EBF1: variants seen among roughly 807,000 people sequenced by gnomAD.
EBF1 encodes EBF transcription factor 1, also known as transcription factor COE1.
Under a neutral mutation model 68.4 loss-of-function variants are expected in EBF1, and 10 were observed. The ratio of observed to expected loss-of-function variants is 0.15; its 90% CI spans 0.09 to 0.25. EBF1 has a LOEUF of 0.25. Ranked by LOEUF, EBF1 falls within the 10% of genes least tolerant of loss-of-function variation. EBF1 has a pLI of 1.00. For synonymous variants in EBF1, 298 were observed against 299.8 expected, an observed-to-expected ratio of 0.99 and a Z score of 0.06; for missense variants, 509 against 794.4, an observed-to-expected ratio of 0.64 and a Z score of 4.32.
In EBF1 at chr5:159,052,008, G is replaced by C. The variant is rs561183151; in HGVS notation, c.554+21388C>G. On this transcript the variant is annotated intron_variant, in intron 6 of 15. Coordinates refer to ENST00000313708, the MANE Select transcript of EBF1 (RefSeq NM_024007.5). ...ATACGCACAGGCTCATAAGACACAC[G>C]CAAAAAAATTATTATTATTATGGGC... is the stretch of plus-strand genomic sequence containing the variant. 3.8e-3 allele frequency among the ~76,000 whole-genome samples: 129 copies of C among 34,122 alleles called. 2 individuals are homozygous for C. The African/African-American group carries it at 0.044, about 12-fold the overall frequency. The allele number at this position is 34,122 out of a possible 152,430, so 22.4% of individuals were successfully genotyped here.
chr5:158,827,866 A>G (rs967190460), intron 7 of EBF1, among the ~76,000 whole-genome samples: 8 of 152,202 alleles, frequency 5.3e-5, no homozygotes, highest in African/African-American at 1.9e-4. Context: ...ATTAGACCAT[A>G]AATATATTTT....
At chr5:158,715,713 G>A (rs1467602728) in intron 11 of EBF1, among the ~76,000 whole-genome samples, 1 of 151,982 alleles carries the variant, frequency 6.6e-6, no homozygotes, top group Non-Finnish European at 1.5e-5. Flanking sequence ...ACCACTTTTT[G>A]TTTGCTGTAG....
rs535225896 is a variant in EBF1 at position 158,776,104 on chromosome 5, G to A, written c.1036+1309C>T. ...GCTGAGCTAATTTCTTGAACTCAGT[G>A]TGAAACCTTAGCTAAACAAAATTGT... On this transcript the variant is annotated intron_variant, in intron 10 of 15. Coordinates refer to ENST00000313708, the MANE Select transcript of EBF1 (RefSeq NM_024007.5). Among the ~76,000 whole-genome samples, 4 of 152,222 alleles carry A rather than the reference G, an allele frequency of 2.6e-5. No individual in the cohort carries two copies. In the East Asian group the frequency reaches 5.8e-4, roughly 22 times the overall value.
At chr5:158,969,880 GAAAGAAAGAAAGAAA>G (rs1755092689) in intron 6 of EBF1, among the ~76,000 whole-genome samples, 1 of 82,792 alleles carries the variant, frequency 1.2e-5, no homozygotes, top group African/African-American at 4.5e-5. Context: ...AAGAAAGAAA[GAAAGAAAGAAAGAAA>G]GAAAGAAAGA....
chr5:159,087,615 C>T (rs1398906657), intron 4 of EBF1, among the ~76,000 whole-genome samples: 1 of 151,936 alleles, frequency 6.6e-6, no homozygotes, highest in East Asian at 1.9e-4. Context: ...TTAGTGGGCC[C>T]ATGATGATAT....
chr5:158,844,957 G>A (rs568244286), intron 6 of EBF1, among the ~76,000 whole-genome samples: 5 of 152,226 alleles, frequency 3.3e-5, no homozygotes, highest in Non-Finnish European at 5.9e-5. Flanking sequence ...TAGCTTTCAT[G>A]TGACCAGCAC....
chr5:158,697,517 G>GAGGAAGAAGGGAAAAGCAATGTAC lies in EBF1; in HGVS notation c.*1570_*1593dup, dbSNP rs1755952139. 4.8e-6 allele frequency: 1 copy of GAGGAAGAAGGGAAAAGCAATGTAC among 209,826 alleles called. No individual in the cohort carries two copies. The highest frequency in any genetic ancestry group is 5.9e-5 in the Admixed American group (1 of 16,948). 13.0% of individuals were successfully genotyped at this position (209,826 alleles called of 1,614,324 possible). A position where few individuals can be genotyped will look rare whatever the true frequency, so the allele number is the denominator to read the frequency against. Reference sequence around the variant, plus strand: ...TAAAATAAATTGGGGGTGGAAGGAAGAGGAAGAAGGGAAAAGCAATGTACA... The same window carrying GAGGAAGAAGGGAAAAGCAATGTAC: ...TAAAATAAATTGGGGGTGGAAGGAAGAGGAAGAAGGGAAAAGCAATGTACAGGAAGAAGGGAAAAGCAATGTACA... On this transcript the variant is annotated 3_prime_UTR_variant, in exon 16 of 16. Transcript: ENST00000313708.
At chr5:158,763,658 A>G (rs1772005741) in intron 10 of EBF1, among the ~76,000 whole-genome samples, 1 of 152,212 alleles carries the variant, frequency 6.6e-6, no homozygotes, top group South Asian at 2.1e-4. Flanking sequence ...GTTTACTGAA[A>G]GATTCATGAA....
intron 10 of EBF1, among the ~76,000 whole-genome samples, chr5:158,765,915 G>A (rs1490040041): frequency 2.0e-5 from 3 of 152,156 alleles, no homozygotes; most frequent in Non-Finnish European, 2.9e-5. Flanking sequence ...ACCCAGCAAC[G>A]GGAAAGAAAT....
At chr5:158,904,031 A>G (rs1227520092) in intron 6 of EBF1, among the ~76,000 whole-genome samples, 1 of 152,138 alleles carries the variant, frequency 6.6e-6, no homozygotes, top group African/African-American at 2.4e-5. Flanking sequence ...GTAAAAGACA[A>G]GAAGGAGTGG....
intron 8 of EBF1, among the ~76,000 whole-genome samples, chr5:158,816,479 A>T (rs975686012): frequency 1.3e-5 from 2 of 152,252 alleles, no homozygotes; most frequent in African/African-American, 4.8e-5. Flanking sequence ...TCTCTGTAAA[A>T]TGAGGAAGAG....
intron 5 of EBF1, among the ~76,000 whole-genome samples, chr5:159,078,837 CTCTT>C (rs768942638): frequency 2.6e-5 from 4 of 152,158 alleles, no homozygotes; most frequent in Non-Finnish European, 5.9e-5. Context: ...ACTTATGAGT[CTCTT>C]TCTTACCAGC....
intron 7 of EBF1, among the ~76,000 whole-genome samples, chr5:158,830,515 C>T (rs1170732696): frequency 1.3e-5 from 2 of 152,158 alleles, no homozygotes; most frequent in African/African-American, 2.4e-5. Context: ...GTGATCCGTC[C>T]ATCTCGGCCT....
chr5:158,830,404 G>T (rs1787263961), intron 7 of EBF1, among the ~76,000 whole-genome samples: 1 of 152,142 alleles, frequency 6.6e-6, no homozygotes. Context: ...CTGACTAGCT[G>T]GGACTAGAGG....
intron 6 of EBF1, among the ~76,000 whole-genome samples, chr5:158,947,417 C>A (rs1364842121): frequency 6.6e-6 from 1 of 152,198 alleles, no homozygotes; most frequent in Non-Finnish European, 1.5e-5. Flanking sequence ...ACAGCAGGGT[C>A]CCTCACGGCT....
At chr5:158,920,700 T>C (rs1417227017) in intron 6 of EBF1, among the ~76,000 whole-genome samples, 2 of 152,144 alleles carry the variant, frequency 1.3e-5, no homozygotes, top group African/African-American at 2.4e-5. Context: ...CTTCTCAGCC[T>C]CCCAAGTAGC....
chr5:158,801,452 G>A (rs1191553958), intron 8 of EBF1, among the ~76,000 whole-genome samples: 1 of 152,024 alleles, frequency 6.6e-6, no homozygotes, highest in African/African-American at 2.4e-5. Flanking sequence ...GCGTTTGTAT[G>A]AGAGTTGATC....
chr5:158,956,852 G>A (rs556110249), intron 6 of EBF1, among the ~76,000 whole-genome samples: 17 of 145,440 alleles, frequency 1.2e-4, no homozygotes, highest in African/African-American at 3.1e-4. Flanking sequence ...TCCACCTCCC[G>A]GGTTCACACC....
At chr5:158,745,912 TAG>T (rs1304105672) in intron 10 of EBF1, among the ~76,000 whole-genome samples, 2 of 152,172 alleles carry the variant, frequency 1.3e-5, no homozygotes, top group Non-Finnish European at 2.9e-5. Context: ...TCCCAAGTGC[TAG>T]AGAGGCTTTC....
Sources: gnomAD v4.1 joint callset for allele counts (sites outside exome capture counted in the v4.1 genomes callset) on GRCh38, gnomAD v4.1.1 for gene constraint, MANE v1.5 for transcripts, NCBI Gene and HGNC (gene_info 2026-07-23, HGNC 2026-07-21) for gene names.